BDP1: variants seen among roughly 807,000 people sequenced by gnomAD.
BDP1 encodes transcription factor TFIIIB component B'' homolog.
BDP1 carries 169 observed loss-of-function variants against 266.6 expected under a neutral mutation model. That is an observed-to-expected ratio of 0.63 (90% CI 0.56 to 0.72). The LOEUF (loss-of-function observed/expected upper bound fraction) is 0.72, where lower values mean the gene tolerates loss of function less well. Among genes scored for constraint, BDP1 ranks in the 30% least tolerant of loss-of-function variants. The probability of loss-of-function intolerance (pLI) is 0.00; values close to 1 mark genes in which losing one functional copy is unlikely to be tolerated. For synonymous variants in BDP1, 1,090 were observed against 1,022.4 expected (o/e 1.07, Z -1.26); for missense variants, 3,015 against 3,053.8 (o/e 0.99, Z 0.30).
chr5:71,462,087 C>T lies in BDP1; in HGVS notation c.599+161C>T, dbSNP rs370409670. Among the ~76,000 whole-genome samples the T allele has an allele frequency of 6.3e-4, 96 of 151,252 alleles. 3 individuals carry two copies. In the South Asian group the frequency reaches 0.019, roughly 30 times the overall value. Reference sequence around the variant, plus strand: ...AAGCGATTCTCCTGCCTCAGATTCGCGGGTAGCTGGGATTACAGATGCTCG... The same window carrying T: ...AAGCGATTCTCCTGCCTCAGATTCGTGGGTAGCTGGGATTACAGATGCTCG... On this transcript the variant is annotated intron_variant, in intron 3 of 38. Transcript: ENST00000358731.
chr5:71,526,340 G>A (rs933853861), intron 25 of BDP1, among the ~76,000 whole-genome samples: 7 of 151,112 alleles, frequency 4.6e-5, no homozygotes, highest in Admixed American at 4.6e-4. Context: ...ATTTGGACCA[G>A]GCATGGTGGC....
At chr5:71,534,986 G>C (rs1402650276) in intron 26 of BDP1, among the ~76,000 whole-genome samples, 2 of 152,028 alleles carry the variant, frequency 1.3e-5, no homozygotes, top group East Asian at 3.9e-4. Context: ...CGTTGCAAGT[G>C]TGTAGAAATA....
At chr5:71,465,496 C>T (rs991258025) in intron 4 of BDP1, among the ~76,000 whole-genome samples, 6 of 152,068 alleles carry the variant, frequency 3.9e-5, no homozygotes, top group East Asian at 3.9e-4. Context: ...CTCCTGGCCT[C>T]GAGTGATTTT....
intron 32 of BDP1, among the ~76,000 whole-genome samples, chr5:71,547,950 C>G (rs1742458159): frequency 6.6e-6 from 1 of 151,490 alleles, no homozygotes; most frequent in East Asian, 1.9e-4. Flanking sequence ...GCGAGACTGT[C>G]TCAAAAAAAT....
downstream of BDP1, among the ~76,000 whole-genome samples, chr5:71,570,226 A>G (rs1744222670): frequency 1.3e-5 from 2 of 152,234 alleles, no homozygotes; most frequent in South Asian, 4.1e-4. Context: ...GTATAATTTC[A>G]GAGTCACTAT....
At chr5:71,540,491 C>G (rs1293743997) in intron 28 of BDP1, among the ~76,000 whole-genome samples, 1 of 152,106 alleles carries the variant, frequency 6.6e-6, no homozygotes, top group South Asian at 2.1e-4. Context: ...CCATGCCCAG[C>G]TAATTTTTGT....
rs1366498941 is a variant in BDP1 at position 71,544,503 on chromosome 5, G to A, written c.6559G>A (p.Glu2187Lys). The A allele has an allele frequency of 6.2e-7, 1 of 1,610,170 alleles. No homozygotes were observed. The highest frequency in any genetic ancestry group is 8.5e-7 in the Non-Finnish European group (1 of 1,178,920). Reference sequence around the variant, plus strand: ...TATTTCTTCAGAAGTAAACCTAACTGAAAGGTAAAAGAGTGAAGAGGTTCT... The same window carrying A: ...TATTTCTTCAGAAGTAAACCTAACTAAAAGGTAAAAGAGTGAAGAGGTTCT... The part of the protein sequence containing the change: ...TSISSEVNLT[E>K]RNENQEESSQ... Residue 2187 changes from glutamate (E) to lysine (K), a missense_variant, in exon 31 of 39, where the codon GAA (glutamate) becomes AAA (lysine). This residue lies in a region of BDP1 where 629 missense variants were observed against 632.5 expected (regional missense o/e 0.99). Transcript: ENST00000358731.
At chr5:71,508,681 G>A (rs891438164) in intron 16 of BDP1, among the ~76,000 whole-genome samples, 2 of 152,026 alleles carry the variant, frequency 1.3e-5, no homozygotes, top group African/African-American at 4.8e-5. Context: ...TCTAGCTTTT[G>A]CCCAATATTA....
intron 10 of BDP1, among the ~76,000 whole-genome samples, chr5:71,489,986 G>A (rs1763492025): frequency 1.3e-5 from 2 of 152,188 alleles, no homozygotes; most frequent in South Asian, 4.1e-4. Context: ...ATGTTGCTAT[G>A]TCTGTCAATA....
chr5:71,568,347 G>A (rs1457601953), downstream of BDP1, among the ~76,000 whole-genome samples: 1 of 152,202 alleles, frequency 6.6e-6, no homozygotes, highest in African/African-American at 2.4e-5. Context: ...GGGCTACCCA[G>A]TAAGTAGGTT....
Position 71,497,125 on chromosome 5 carries a change from A to G in BDP1, c.1800-145A>G, listed in dbSNP as rs1763944315. 4.9e-6 allele frequency: 3 copies of G among 613,154 alleles called. No homozygotes were observed. The East Asian group carries it at 8.2e-5, about 17-fold the overall frequency. 38.0% of individuals were successfully genotyped at this position (613,154 alleles called of 1,614,324 possible). A position where few individuals can be genotyped will look rare whatever the true frequency, so the allele number is the denominator to read the frequency against. On this transcript the variant is annotated intron_variant, in intron 12 of 38. Transcript: ENST00000358731. ...TGTATTTTTAATATCAGATAGAACA[A>G]GTTAGTCTCTTTAAGTTTTCTTTGC... is the stretch of plus-strand genomic sequence containing the variant.
Position 71,510,808 on chromosome 5 carries a change from A to G in BDP1, c.3716A>G (p.Lys1239Arg), listed in dbSNP as rs1348420800. The G allele has an allele frequency of 6.2e-7, 1 of 1,613,064 alleles. No individual in the cohort carries two copies. Among genetic ancestry groups the G allele is most frequent in the East Asian group, 2.2e-5 (1 of 44,880 alleles). ...AGAGAAGAAATTTCCCAAAGGGAAAAGGTGCTAGCAGAGTTCAGTGCTATA... is the reference window on the plus strand; with the variant it reads ...AGAGAAGAAATTTCCCAAAGGGAAAGGGTGCTAGCAGAGTTCAGTGCTATA... ...EIREEISQRE[K>R]VLAEFSAIRE... The change falls in exon 17 of 39, where the codon AAG becomes AGG. Residue 1239 changes from lysine (K) to arginine (R), a missense_variant. Lys to Arg is a conservative substitution (Grantham distance 26). This residue lies in a region of BDP1 where 2,383 missense variants were observed against 2,404.9 expected (regional missense o/e 0.99). Coordinates refer to ENST00000358731, the MANE Select transcript of BDP1 (RefSeq NM_018429.3).
intron 26 of BDP1, among the ~76,000 whole-genome samples, chr5:71,536,805 T>A (rs1210561224): frequency 6.6e-6 from 1 of 152,022 alleles, no homozygotes; most frequent in Non-Finnish European, 1.5e-5. Flanking sequence ...CACCCCAGTC[T>A]GGGCATCAGA....
intron 9 of BDP1, 104 bp from the exon 10 acceptor site, chr5:71,489,300 C>A: frequency 1.4e-6 from 1 of 740,194 alleles, no homozygotes; most frequent in Non-Finnish European, 2.1e-6. Flanking sequence ...GTTTTTTGTT[C>A]ATACAAATAA....
At chr5:71,497,506 A>G in intron 13 of BDP1, 80 bp downstream of exon 13, 3 of 1,118,548 alleles carry the variant, frequency 2.7e-6, no homozygotes, top group Non-Finnish European at 3.8e-6. Context: ...TGTTGACTTG[A>G]AATTACAAAG....
Position 71,512,303 on chromosome 5 carries a change from AAAAG to A in BDP1, c.4125_4128del (p.Glu1376TyrfsTer39). 6.3e-7 allele frequency: 1 copy of A among 1,594,068 alleles called. No individual in the cohort carries two copies. Among genetic ancestry groups the A allele is most frequent in the Non-Finnish European group, 8.5e-7 (1 of 1,174,674 alleles). On this transcript the variant is annotated frameshift_variant, in exon 18 of 39. Transcript: ENST00000358731. LOFTEE classifies it high-confidence loss of function. ...CTGTAGAAGAAAAAAGAAATTCTGA[AAAAG>A]AAGTATCAAGTCACTTCAGTCATTT...
chr5:71,553,850 A>G (rs1346496932), intron 35 of BDP1, among the ~76,000 whole-genome samples: 1 of 152,034 alleles, frequency 6.6e-6, no homozygotes, highest in Non-Finnish European at 1.5e-5. Context: ...GCCATCTTTC[A>G]ATTCCTTAAA....
intron 33 of BDP1, among the ~76,000 whole-genome samples, chr5:71,549,121 C>A (rs1369609638): frequency 2.0e-5 from 3 of 152,098 alleles, no homozygotes; most frequent in Admixed American, 6.5e-5. Flanking sequence ...ACCTGTAATC[C>A]CATCTACTTG....
At chr5:71,483,723 CAT>C (rs1763096128) in intron 7 of BDP1, 117 bp from the exon 8 acceptor site, 2 of 713,440 alleles carry the variant, frequency 2.8e-6, no homozygotes, top group Non-Finnish European at 4.8e-6. Context: ...TTGGCAAAGA[CAT>C]ATTAAGTAGA....
Sources: gnomAD v4.1 joint callset for allele counts (sites outside exome capture counted in the v4.1 genomes callset) on GRCh38, gnomAD v4.1.1 for gene constraint, gnomAD v4.1.1 regional missense constraint, MANE v1.5 for transcripts, NCBI Gene and HGNC (gene_info 2026-07-23, HGNC 2026-07-21) for gene names.